NEMP2: variants seen among roughly 807,000 people sequenced by gnomAD.
NEMP2 encodes the protein UPF0571 transmembrane protein.
Under a neutral mutation model 54.2 loss-of-function variants are expected in NEMP2, and 53 were observed. The observed-to-expected ratio is 0.98, with a 90% CI of 0.78 to 1.23. The LOEUF (loss-of-function observed/expected upper bound fraction) is 1.23, where lower values mean the gene tolerates loss of function less well. Among genes scored for constraint, NEMP2 ranks in the 50% most tolerant of loss-of-function variants. NEMP2 has a pLI of 0.00. For synonymous variants in NEMP2, 197 were observed against 190.3 expected (o/e 1.04, Z -0.29); for missense variants, 455 against 511.3 (o/e 0.89, Z 1.06).
At chr2:190,452,866 A>G in the NEMP2 span, among the ~76,000 whole-genome samples, 1 of 152,200 alleles carries the variant, frequency 6.6e-6, no homozygotes, top group African/African-American at 2.4e-5. Context: ...ACTAACTTGT[A>G]CTGAATATAA....
At chr2:190,488,537 T>A in the NEMP2 span, 6 of 935,490 alleles carry the variant, frequency 6.4e-6, no homozygotes, top group African/African-American at 3.4e-5. This position sits in a 1 kb window ranked among gnomAD's most constrained non-coding sequence, Gnocchi z 6.4. Context: ...AAATTTTTAA[T>A]GTATGTTTTC....
the NEMP2 span, among the ~76,000 whole-genome samples, chr2:190,595,896 T>A: frequency 6.6e-6 from 1 of 152,218 alleles, no homozygotes. This position sits in a 1 kb window ranked among gnomAD's most constrained non-coding sequence, Gnocchi z 4.0. Context: ...ATCTCATTAG[T>A]GGGTATAAAC....
the NEMP2 span, among the ~76,000 whole-genome samples, chr2:190,498,734 A>G: frequency 6.6e-6 from 1 of 152,222 alleles, no homozygotes; most frequent in Non-Finnish European, 1.5e-5. This position sits in a 1 kb window ranked among gnomAD's most constrained non-coding sequence, Gnocchi z 5.9. Context: ...AGAAAGGATG[A>G]TTTTAATATC....
intron 6 of NEMP2, among the ~76,000 whole-genome samples, chr2:190,515,710 T>C (rs964611535): frequency 7.2e-5 from 11 of 152,246 alleles, no homozygotes; most frequent in African/African-American, 2.2e-4. Context: ...GTGAGAAATT[T>C]GGTGCTAAAG....
chr2:190,491,077 G>A, the NEMP2 span, among the ~76,000 whole-genome samples: 369 of 152,246 alleles, frequency 2.4e-3, 2 homozygotes, highest in African/African-American at 8.7e-3. The surrounding 1 kb of genome is among the most constrained non-coding windows in gnomAD (Gnocchi z 4.2). Context: ...AAAATGTATG[G>A]ACTTGAATAT....
chr2:190,429,807 G>C, the NEMP2 span, among the ~76,000 whole-genome samples: 36 of 151,994 alleles, frequency 2.4e-4, no homozygotes, highest in Admixed American at 4.6e-4. Context: ...TTTTGTATAT[G>C]ATGTCAGATA....
rs536901665 is a variant in NEMP2, at chr2:190,514,604, T to C, written c.802A>G (p.Arg268Gly). 1.0e-5 allele frequency: 16 copies of C among 1,551,724 alleles called. No individual in the cohort carries two copies. In the African/African-American group the frequency reaches 1.6e-4, roughly 16 times the overall value. The change falls in exon 7 of 9, where the codon AGA becomes GGA. Residue 268 changes from arginine (R) to glycine (G), a missense_variant. Physicochemically the swap from Arg to Gly is moderately radical, Grantham distance 125. This residue lies in a region of NEMP2 where 294 missense variants were observed against 333.6 expected (regional missense o/e 0.88). Transcript: ENST00000409150. This position sits in a 1 kb window ranked among gnomAD's most constrained non-coding sequence, Gnocchi z 5.7. ...CGCAGCATCCACATCAGAAGACTTCTGCTCCTGTCGTCTGCAAGGGGCCCA... is the reference window on the plus strand; with the variant it reads ...CGCAGCATCCACATCAGAAGACTTCCGCTCCTGTCGTCTGCAAGGGGCCCA... ...KHGPLADDRS[R>G]SLLMWMLRLL...
the NEMP2 span, among the ~76,000 whole-genome samples, chr2:190,550,666 A>G: frequency 1.3e-5 from 2 of 152,182 alleles, no homozygotes; most frequent in African/African-American, 4.8e-5. This position sits in a 1 kb window ranked among gnomAD's most constrained non-coding sequence, Gnocchi z 4.7. Flanking sequence ...TAGCAGTGCT[A>G]TATCTGCATT....
the NEMP2 span, among the ~76,000 whole-genome samples, chr2:190,450,488 C>CTTTTTTTTTTTTTTTTTTTTTTTTTT: frequency 1.0e-5 from 1 of 97,254 alleles, no homozygotes; most frequent in Non-Finnish European, 1.9e-5. Context: ...TCTCTTTTTC[C>CTTTTTTTTTTTTTTTTTTTTTTTTTT]TTTTTTTTTT....
chr2:190,604,906 C>A, the NEMP2 span, among the ~76,000 whole-genome samples: 1 of 152,156 alleles, frequency 6.6e-6, no homozygotes, highest in Non-Finnish European at 1.5e-5. The surrounding 1 kb of genome is among the most constrained non-coding windows in gnomAD (Gnocchi z 4.5). Flanking sequence ...AAACTGTGTT[C>A]CCAGTTTTTG....
chr2:190,430,799 C>T, the NEMP2 span, among the ~76,000 whole-genome samples: 4 of 72,822 alleles, frequency 5.5e-5, no homozygotes, highest in Non-Finnish European at 1.1e-4. Context: ...GGCAGAGGCG[C>T]CCCCCCCACC....
chr2:190,613,195 T>C, the NEMP2 span, among the ~76,000 whole-genome samples: 1 of 152,164 alleles, frequency 6.6e-6, no homozygotes, highest in African/African-American at 2.4e-5. Flanking sequence ...AGTTTAGTTT[T>C]GAAACAGAGA....
At chr2:190,424,404 C>T in the NEMP2 span, among the ~76,000 whole-genome samples, 26 of 152,050 alleles carry the variant, frequency 1.7e-4, no homozygotes, top group South Asian at 1.9e-3. The surrounding 1 kb of genome is among the most constrained non-coding windows in gnomAD (Gnocchi z 5.9). Context: ...GGCTCTGTCT[C>T]GGCTCACTGC....
At chr2:190,459,178 A>AGT in the NEMP2 span, among the ~76,000 whole-genome samples, 1 of 152,012 alleles carries the variant, frequency 6.6e-6, no homozygotes, top group Non-Finnish European at 1.5e-5. The surrounding 1 kb of genome is among the most constrained non-coding windows in gnomAD (Gnocchi z 5.3). Context: ...TGTTTTCGTC[A>AGT]GTGATCTCTT....
the NEMP2 span, among the ~76,000 whole-genome samples, chr2:190,451,368 T>C: frequency 3.5e-3 from 532 of 152,228 alleles, 1 homozygote; most frequent in Non-Finnish European, 6.3e-3. The surrounding 1 kb of genome is among the most constrained non-coding windows in gnomAD (Gnocchi z 5.0). Context: ...CTATGAACAG[T>C]AGGTAGTATT....
At chr2:190,620,831 A>G in the NEMP2 span, among the ~76,000 whole-genome samples, 7 of 152,338 alleles carry the variant, frequency 4.6e-5, no homozygotes, top group South Asian at 1.2e-3. This position sits in a 1 kb window ranked among gnomAD's most constrained non-coding sequence, Gnocchi z 4.9. Flanking sequence ...AACCATCTTT[A>G]TTTACAGATG....
the NEMP2 span, among the ~76,000 whole-genome samples, chr2:190,632,344 G>A: frequency 6.6e-6 from 1 of 152,228 alleles, no homozygotes; most frequent in Non-Finnish European, 1.5e-5. This position sits in a 1 kb window ranked among gnomAD's most constrained non-coding sequence, Gnocchi z 4.8. Flanking sequence ...GTCCCTCTCA[G>A]TCAATGATAG....
chr2:190,439,793 T>C, the NEMP2 span, among the ~76,000 whole-genome samples: 25 of 152,366 alleles, frequency 1.6e-4, no homozygotes, highest in Non-Finnish European at 2.9e-4. This position sits in a 1 kb window ranked among gnomAD's most constrained non-coding sequence, Gnocchi z 5.8. Context: ...GTTTTGAATT[T>C]TCATTCTGTC....
chr2:190,456,277 T>C, the NEMP2 span, among the ~76,000 whole-genome samples: 5 of 152,132 alleles, frequency 3.3e-5, no homozygotes, highest in Admixed American at 2.6e-4. The surrounding 1 kb of genome is among the most constrained non-coding windows in gnomAD (Gnocchi z 5.4). Context: ...AATCCATGAC[T>C]TAAATTTCAC....
Sources: allele counts gnomAD v4.1 joint callset (sites outside exome capture counted in the v4.1 genomes callset), GRCh38; gene constraint gnomAD v4.1.1; regional missense constraint gnomAD v4.1.1; non-coding constraint Gnocchi (gnomAD v3.1); transcripts MANE v1.5; gene names NCBI Gene and HGNC (gene_info 2026-07-23, HGNC 2026-07-21).